Variants in NDST4 observed in about 807,000 individuals in gnomAD.
NDST4 encodes N-deacetylase and N-sulfotransferase 4.
A neutral mutation model predicts 100.8 loss-of-function variants in NDST4; 63 were observed. The observed-to-expected ratio is 0.62, with a 90% CI of 0.51 to 0.77. The LOEUF is 0.77. Ranked by LOEUF, NDST4 falls within the 30% of genes least tolerant of loss-of-function variation. The pLI is 0.00. For synonymous variants in NDST4, 377 were observed against 361.8 expected (o/e 1.04, Z -0.48); for missense variants, 943 against 1,018.4 (o/e 0.93, Z 1.01).
At chr4:114,899,206 C>T (rs1724782209) in intron 6 of NDST4, among the ~76,000 whole-genome samples, 1 of 152,084 alleles carries the variant, frequency 6.6e-6, no homozygotes, top group Admixed American at 6.6e-5. Flanking sequence ...TAGATGGAGC[C>T]TCGTTCTGTC....
intron 4 of NDST4, among the ~76,000 whole-genome samples, chr4:114,967,935 C>T (rs550838860): frequency 1.3e-5 from 2 of 152,206 alleles, no homozygotes; most frequent in East Asian, 3.9e-4. Flanking sequence ...CCCAGCAATT[C>T]CATGAGGTAG....
Position 114,847,095 on chromosome 4 carries a change from G to C in NDST4, c.1941-1098C>G, listed in dbSNP as rs559199919. Reference sequence around the variant, plus strand: ...TGTACCTTAAAAAAATGTGTCTTTCGGCCGGGCGCGGTGGCTCACGCCTGT... The same window carrying C: ...TGTACCTTAAAAAAATGTGTCTTTCCGCCGGGCGCGGTGGCTCACGCCTGT... On this transcript the variant is annotated intron_variant, in intron 9 of 13. Coordinates refer to ENST00000264363, the MANE Select transcript of NDST4 (RefSeq NM_022569.3). Among the ~76,000 whole-genome samples the C allele has an allele frequency of 1.1e-4, 15 of 131,892 alleles. No individual in the cohort carries two copies. The East Asian group carries it at 2.7e-3, about 24-fold the overall frequency. The allele number at this position is 131,892 out of a possible 152,430, so 86.5% of individuals were successfully genotyped here. A position where few individuals can be genotyped will look rare whatever the true frequency, so the allele number is the denominator to read the frequency against.
At position 114,874,235 on chromosome 4, in the gene NDST4, G is replaced by T. The variant is rs555510779; in HGVS notation, c.1537-3285C>A. On this transcript the variant is annotated intron_variant, in intron 6 of 13. Transcript: ENST00000264363. Reference sequence around the variant, plus strand: ...AGATGTATATTATCATTTTATAAGGGTATTAATATAGGCTTTTAAAAGATT... The same window carrying T: ...AGATGTATATTATCATTTTATAAGGTTATTAATATAGGCTTTTAAAAGATT... Among the ~76,000 whole-genome samples the T allele has an allele frequency of 2.6e-3, 402 of 152,114 alleles. 3 individuals carry two copies. Among genetic ancestry groups the T allele is most frequent in the African/African-American group, 9.2e-3 (382 of 41,490 alleles).
chr4:114,880,279 T>G (rs75326397), intron 6 of NDST4, among the ~76,000 whole-genome samples: 1 of 152,186 alleles, frequency 6.6e-6, no homozygotes, highest in African/African-American at 2.4e-5. Context: ...GGATTTTAGA[T>G]GTCATGGCAA....
intron 9 of NDST4, among the ~76,000 whole-genome samples, chr4:114,846,706 C>T (rs978346228): frequency 6.6e-6 from 1 of 152,054 alleles, no homozygotes; most frequent in African/African-American, 2.4e-5. Context: ...TGTGTGTAAC[C>T]CTCCTTACAG....
intron 1 of NDST4, among the ~76,000 whole-genome samples, chr4:115,100,083 T>C (rs1729699718): frequency 6.6e-6 from 1 of 152,116 alleles, no homozygotes; most frequent in Non-Finnish European, 1.5e-5. Context: ...ACTATATAAT[T>C]CCATTTATAT....
chr4:114,828,003 A>G, intron 13 of NDST4, 68 bp from the exon 14 acceptor site: 1 of 1,436,894 alleles, frequency 7.0e-7, no homozygotes, highest in Non-Finnish European at 9.4e-7. Context: ...TGTAATCTAT[A>G]TTTCTTAAGG....
intron 2 of NDST4, among the ~76,000 whole-genome samples, chr4:115,063,280 A>T (rs1206426518): frequency 1.3e-5 from 2 of 152,028 alleles, no homozygotes; most frequent in Non-Finnish European, 2.9e-5. Flanking sequence ...GGTAGAAATC[A>T]TCAATCCCAG....
intron 1 of NDST4, among the ~76,000 whole-genome samples, chr4:115,108,273 T>C (rs1244963818): frequency 6.6e-6 from 1 of 152,072 alleles, no homozygotes; most frequent in Non-Finnish European, 1.5e-5. Flanking sequence ...ATGATTGTTA[T>C]GTAGGCATGA....
intron 1 of NDST4, among the ~76,000 whole-genome samples, chr4:115,103,437 T>G (rs1729775299): frequency 6.6e-6 from 1 of 152,162 alleles, no homozygotes; most frequent in Non-Finnish European, 1.5e-5. Context: ...TTAAATATCA[T>G]GAAGTAAAAT....
chr4:114,948,496 A>T (rs999797656), intron 4 of NDST4, among the ~76,000 whole-genome samples: 2 of 152,108 alleles, frequency 1.3e-5, no homozygotes, highest in Non-Finnish European at 2.9e-5. Flanking sequence ...GTAACTGGCC[A>T]TATAGATTAT....
At chr4:114,897,139 T>C (rs752382414) in intron 6 of NDST4, among the ~76,000 whole-genome samples, 12 of 152,144 alleles carry the variant, frequency 7.9e-5, no homozygotes, top group African/African-American at 1.2e-4. Flanking sequence ...TGTGGTACAT[T>C]ATATAGATTT....
At chr4:114,832,212 T>G (rs1194483270) in intron 12 of NDST4, among the ~76,000 whole-genome samples, 1 of 152,194 alleles carries the variant, frequency 6.6e-6, no homozygotes, top group African/African-American at 2.4e-5. Context: ...TTCGTTTACT[T>G]AATTAACAGG....
intron 6 of NDST4, among the ~76,000 whole-genome samples, chr4:114,920,835 A>C (rs1725271950): frequency 6.6e-6 from 1 of 152,192 alleles, no homozygotes; most frequent in African/African-American, 2.4e-5. Flanking sequence ...AGAGTATCCT[A>C]TCCACTAGTG....
intron 2 of NDST4, among the ~76,000 whole-genome samples, chr4:115,014,625 G>T (rs1169705856): frequency 6.6e-6 from 1 of 152,022 alleles, no homozygotes; most frequent in Non-Finnish European, 1.5e-5. Flanking sequence ...TGTGCAAGCT[G>T]CTGTGTCACT....
In NDST4 at chr4:115,007,189, C is replaced by T. The variant is rs544898749; in HGVS notation, c.979-29915G>A. Among the ~76,000 whole-genome samples the T allele has an allele frequency of 6.8e-4, 104 of 152,172 alleles. 1 individual carries two copies. The highest frequency in any genetic ancestry group is 3.2e-4 in the Non-Finnish European group (22 of 68,018). ...ATGTAAATAATTTAACTCTCACTACCATACTATCACCTCCTTTTACATACA... is the reference window on the plus strand; with the variant it reads ...ATGTAAATAATTTAACTCTCACTACTATACTATCACCTCCTTTTACATACA... On this transcript the variant is annotated intron_variant, in intron 2 of 13. Transcript: ENST00000264363.
chr4:114,891,377 C>T (rs1724592876), intron 6 of NDST4, among the ~76,000 whole-genome samples: 1 of 152,062 alleles, frequency 6.6e-6, no homozygotes, highest in Non-Finnish European at 1.5e-5. Context: ...ATGTAGACCT[C>T]TCTGACTGAA....
At chr4:114,914,958 G>T (rs972746304) in intron 6 of NDST4, among the ~76,000 whole-genome samples, 1 of 151,992 alleles carries the variant, frequency 6.6e-6, no homozygotes, top group Non-Finnish European at 1.5e-5. Context: ...CTGTTCCTAT[G>T]ATTCTTCCTG....
intron 4 of NDST4, among the ~76,000 whole-genome samples, chr4:114,941,366 C>T (rs903982816): frequency 6.6e-6 from 1 of 151,882 alleles, no homozygotes; most frequent in Non-Finnish European, 1.5e-5. Context: ...TATGAAGACA[C>T]TTGACTTACA....
Sources: gnomAD v4.1 joint callset for allele counts (sites outside exome capture counted in the v4.1 genomes callset) on GRCh38, gnomAD v4.1.1 for gene constraint, MANE v1.5 for transcripts, NCBI Gene and HGNC (gene_info 2026-07-23, HGNC 2026-07-21) for gene names.